Variants in MBD6 observed in about 807,000 individuals in gnomAD.
MBD6 encodes methyl-CpG-binding domain protein 6.
Under a neutral mutation model 66.8 loss-of-function variants are expected in MBD6, and 22 were observed. The ratio of observed to expected loss-of-function variants is 0.33; its 90% CI spans 0.24 to 0.47. The LOEUF (loss-of-function observed/expected upper bound fraction) is 0.47, where lower values mean the gene tolerates loss of function less well. MBD6 is among the 20% of genes least tolerant of loss of function. The pLI is 1.00. For missense variants in MBD6, 1,322 were observed against 1,286.9 expected, an observed-to-expected ratio of 1.03 and a Z score of -0.42; for synonymous variants, 540 against 534.6, an observed-to-expected ratio of 1.01 and a Z score of -0.14.
In MBD6 at chr12:57,525,015, A is replaced by G; in HGVS notation, c.279A>G (p.Ser93=). 6.2e-7 allele frequency: 1 copy of G among 1,612,550 alleles called. No individual in the cohort carries two copies. The highest frequency in any genetic ancestry group is 8.5e-7 in the Non-Finnish European group (1 of 1,179,202). The part of the protein sequence containing the change: ...TPGGAGVGPA[S]EEDMTKLCNH... Reference sequence around the variant, plus strand: ...GTGGGGCTGGGGTGGGGCCAGCATCAGAGGAGGACATGACCAAGCTGTGCA... The same window carrying G: ...GTGGGGCTGGGGTGGGGCCAGCATCGGAGGAGGACATGACCAAGCTGTGCA... The change falls in exon 5 of 13, where the codon TCA becomes TCG. Residue 93 remains serine, a synonymous_variant. Coordinates refer to ENST00000355673, the MANE Select transcript of MBD6 (RefSeq NM_052897.4).
At chr12:57,527,777 A>T (rs771407694) in intron 8 of MBD6, 71 bp from the exon 9 acceptor site, 14 of 1,576,372 alleles carry the variant, frequency 8.9e-6, no homozygotes, top group Non-Finnish European at 1.2e-5. Flanking sequence ...TAAAGCCTAA[A>T]GAGAATAGTA....
Position 57,527,060 on chromosome 12 carries a change from G to A in MBD6, c.1915G>A (p.Glu639Lys), listed in dbSNP as rs1280811060. Residue 639 changes from glutamate to lysine, a missense_variant, in exon 7 of 13, where the codon GAG becomes AAG. Glu to Lys is a moderately conservative substitution (Grantham distance 56). Transcript: ENST00000355673. ...LALGPTAGDGEGSAEGAGGPS... is the reference protein window; with the variant it reads ...LALGPTAGDGKGSAEGAGGPS... ...TCTGGGCCCCACAGCTGGGGATGGG[G>A]AGGGATCTGCAGAGGGAGCCGGGGG... is the stretch of plus-strand genomic sequence containing the variant. 3 of 1,608,298 alleles carry A rather than the reference G, an allele frequency of 1.9e-6. No individual in the cohort carries two copies. The highest frequency in any genetic ancestry group is 2.6e-6 in the Non-Finnish European group (3 of 1,175,960).
intron 9 of MBD6, 62 bp downstream of exon 9, chr12:57,528,079 C>T (rs1294203655): frequency 9.1e-6 from 14 of 1,531,382 alleles, no homozygotes; most frequent in African/African-American, 1.4e-5. Flanking sequence ...AAATTTAGGG[C>T]TTTCTGAGTT....
chr12:57,526,733 A>C lies in MBD6; in HGVS notation c.1588A>C (p.Ser530Arg). The change falls in exon 7 of 13, where the codon AGT becomes CGT. Residue 530 changes from serine (S) to arginine (R), a missense_variant. Physicochemically the swap from Ser to Arg is moderately radical, Grantham distance 110. Coordinates refer to ENST00000355673, the MANE Select transcript of MBD6 (RefSeq NM_052897.4). ...FPSPEQGLAL[S>R]GAGFPGMLGA... is the part of the protein sequence containing the mutation. ...CAGCCCTGAGCAGGGCCTGGCACTG[A>C]GTGGAGCTGGCTTCCCTGGGATGCT... 1 of 1,571,742 alleles carries C rather than the reference A, an allele frequency of 6.4e-7. No homozygotes were observed. The highest frequency in any genetic ancestry group is 8.6e-7 in the Non-Finnish European group (1 of 1,156,456).
Position 57,525,940 on chromosome 12 carries a change from C to G in MBD6, c.972C>G (p.Leu324=). ...CCCCCTTCCTTGCTAGCAGCCTACT[C>G]TCTGCAGCGGCCAAGGCACAGCATC... ...GAPPFLASSL[L]SAAAKAQHPP... is the part of the protein sequence containing the mutation. The change falls in exon 6 of 13, where the codon CTC becomes CTG. Residue 324 remains leucine (L), a synonymous_variant. Coordinates refer to ENST00000355673, the MANE Select transcript of MBD6 (RefSeq NM_052897.4). The G allele has an allele frequency of 6.2e-7, 1 of 1,613,502 alleles. No homozygotes were observed.
rs1878883964 is a variant in MBD6 at position 57,525,863 on chromosome 12, C to G, written c.895C>G (p.Leu299Val). The G allele has an allele frequency of 5.0e-6, 8 of 1,613,612 alleles. No homozygotes were observed. Among genetic ancestry groups the G allele is most frequent in the Non-Finnish European group, 6.8e-6 (8 of 1,179,864 alleles). ...GTCTTCAGCCACTATGCACCTGCCC[C>G]TGGTCCTGGGGCCCCTGGGAGGGGC... Reference protein sequence around the residue: ...PVSSATMHLPLVLGPLGGAPT... With the variant: ...PVSSATMHLPVVLGPLGGAPT... The change falls in exon 6 of 13, where the codon CTG becomes GTG. Residue 299 changes from leucine (L) to valine (V), a missense_variant. Physicochemically the swap from Leu to Val is conservative, Grantham distance 32. Coordinates refer to ENST00000355673, the MANE Select transcript of MBD6 (RefSeq NM_052897.4).
chr12:57,526,844 G>A lies in MBD6; in HGVS notation c.1699G>A (p.Gly567Arg). Residue 567 changes from glycine (G) to arginine (R), a missense_variant, in exon 7 of 13, where the codon GGA (glycine) becomes AGA (arginine). Coordinates refer to ENST00000355673, the MANE Select transcript of MBD6 (RefSeq NM_052897.4). ...CAGTTTATTTGGTGTGCTGACTGGGGGAGGAGGACAACCTCCCCCTGAGCC... is the reference window on the plus strand; with the variant it reads ...CAGTTTATTTGGTGTGCTGACTGGGAGAGGAGGACAACCTCCCCCTGAGCC... Reference protein sequence around the residue: ...NHSLFGVLTGGGGQPPPEPLL... With the variant: ...NHSLFGVLTGRGGQPPPEPLL... 6.2e-7 allele frequency: 1 copy of A among 1,613,522 alleles called. No homozygotes were observed. The highest frequency in any genetic ancestry group is 1.1e-5 in the South Asian group (1 of 91,066).
chr12:57,525,502 A>G lies in MBD6; in HGVS notation c.534A>G (p.Leu178=), dbSNP rs1878825957. ...PPSVSQAFPT[L]AGPGGLFPPR... The stretch of plus-strand genomic sequence containing the variant: ...CAGTTTCCCAGGCCTTTCCCACTCT[A>G]GCAGGCCCTGGGGGGCTTTTCCCCC... The change falls in exon 6 of 13, where the codon CTA becomes CTG. Residue 178 remains leucine (L), a synonymous_variant. Transcript: ENST00000355673. 6.4e-7 allele frequency: 1 copy of G among 1,553,570 alleles called. No individual in the cohort carries two copies. The highest frequency in any genetic ancestry group is 8.7e-7 in the Non-Finnish European group (1 of 1,152,646).
rs896267882 is a variant in MBD6, at chr12:57,527,046, C to T, written c.1901C>T (p.Thr634Ile). The change falls in exon 7 of 13, where the codon ACA becomes ATA. Residue 634 changes from threonine (T) to isoleucine (I), a missense_variant. Thr to Ile is a moderately conservative substitution (Grantham distance 89). Coordinates refer to ENST00000355673, the MANE Select transcript of MBD6 (RefSeq NM_052897.4). ...SFLPLLALGP[T>I]AGDGEGSAEG... ...CTGCCCCTGTTGGCTCTGGGCCCCACAGCTGGGGATGGGGAGGGATCTGCA... is the reference window on the plus strand; with the variant it reads ...CTGCCCCTGTTGGCTCTGGGCCCCATAGCTGGGGATGGGGAGGGATCTGCA... 14 of 1,610,398 alleles carry T rather than the reference C, an allele frequency of 8.7e-6. No homozygotes were observed. Among genetic ancestry groups the T allele is most frequent in the Non-Finnish European group, 1.2e-5 (14 of 1,177,586 alleles).
intron 11 of MBD6, 93 bp downstream of exon 11, chr12:57,528,811 G>C: frequency 6.3e-7 from 1 of 1,598,094 alleles, no homozygotes; most frequent in Non-Finnish European, 8.5e-7. Context: ...GTTTTCAAAA[G>C]GGCAGATTCT....
chr12:57,525,592 T>G lies in MBD6; in HGVS notation c.624T>G (p.Asn208Lys), dbSNP rs1565663800. 6.2e-7 allele frequency: 1 copy of G among 1,611,542 alleles called. No individual in the cohort carries two copies. The highest frequency in any genetic ancestry group is 8.5e-7 in the Non-Finnish European group (1 of 1,178,820). The change falls in exon 6 of 13, where the codon AAT becomes AAG. Residue 208 changes from asparagine (N) to lysine (K), a missense_variant. Physicochemically the swap from Asn to Lys is moderately conservative, Grantham distance 94. Transcript: ENST00000355673. The stretch of plus-strand genomic sequence containing the variant: ...GCCCCCGTTTCCTCCCAAGGGGCAA[T>G]GCCCCCTCTCCAGCCCCACCTCCTC... ...SSSPRFLPRG[N>K]APSPAPPPPP...
rs1156802072 is a variant in MBD6 at position 57,529,374 on chromosome 12, C to A, written c.*140C>A. 1.4e-6 allele frequency: 1 copy of A among 721,482 alleles called. No individual in the cohort carries two copies. Among genetic ancestry groups the A allele is most frequent in the Admixed American group, 2.5e-5 (1 of 39,312 alleles). 44.7% of individuals were successfully genotyped at this position (721,482 alleles called of 1,614,324 possible). On this transcript the variant is annotated 3_prime_UTR_variant, in exon 13 of 13. Coordinates refer to ENST00000355673, the MANE Select transcript of MBD6 (RefSeq NM_052897.4). ...CTCAGAGCACAAATGCAACTCCTTC[C>A]CCTACAATCCCATCCTGAGCCATTG... is the stretch of plus-strand genomic sequence containing the variant.
chr12:57,528,273 G>A lies in MBD6; in HGVS notation c.2533G>A (p.Val845Ile), dbSNP rs749993424. ...ACCCCATGGTTCTCCCGACCCCCCA[G>A]TCCCTGAGCTGCTCACTGGGAGGGG... ...APPHGSPDPP[V>I]PELLTGRGSG... The change falls in exon 10 of 13, where the codon GTC becomes ATC. Residue 845 changes from valine (V) to isoleucine (I), a missense_variant. Val to Ile is a conservative substitution (Grantham distance 29, BLOSUM62 3). Transcript: ENST00000355673. 1 of 1,605,158 alleles carries A rather than the reference G, an allele frequency of 6.2e-7. No individual in the cohort carries two copies. The highest frequency in any genetic ancestry group is 8.5e-7 in the Non-Finnish European group (1 of 1,175,686).
intron 9 of MBD6, 42 bp downstream of exon 9, chr12:57,528,059 C>T (rs757299902): frequency 6.5e-7 from 1 of 1,528,980 alleles, no homozygotes; most frequent in Non-Finnish European, 8.8e-7. Flanking sequence ...ATAATTTTTT[C>T]TCAAACTGGA....
In MBD6 at chr12:57,529,685, A is replaced by G; in HGVS notation, c.*451A>G. On this transcript the variant is annotated 3_prime_UTR_variant, in exon 13 of 13. Transcript: ENST00000355673. ...CCTTCCCAGTGAAAGGTACAAAGCAATAAGCATCATGCATCCTCCCCTTAC... is the reference window on the plus strand; with the variant it reads ...CCTTCCCAGTGAAAGGTACAAAGCAGTAAGCATCATGCATCCTCCCCTTAC... The G allele has an allele frequency of 5.8e-6, 1 of 171,406 alleles. No individual in the cohort carries two copies. The highest frequency in any genetic ancestry group is 1.3e-5 in the Non-Finnish European group (1 of 77,900). The allele number at this position is 171,406 out of a possible 1,614,324, so 10.6% of individuals were successfully genotyped here.
Position 57,529,343 on chromosome 12 carries a change from TC to T in MBD6, c.*113del. 2 of 1,029,998 alleles carry T rather than the reference TC, an allele frequency of 1.9e-6. No individual in the cohort carries two copies. The highest frequency in any genetic ancestry group is 1.6e-5 in the African/African-American group (1 of 62,268). The allele number at this position is 1,029,998 out of a possible 1,614,324, so 63.8% of individuals were successfully genotyped here. On this transcript the variant is annotated 3_prime_UTR_variant, in exon 13 of 13. Transcript: ENST00000355673. ...TGTGGACAGTGGGTGGGGGCACTAC[TC>T]CCCACTCAGAGCACAAATGCAACTC... is the stretch of plus-strand genomic sequence containing the variant.
At chr12:57,522,761 G>GGCGGCGGCGGCT, upstream of MBD6, 1 of 157,276 alleles carries the variant, frequency 6.4e-6, no homozygotes, top group Non-Finnish European at 1.4e-5. Flanking sequence ...CGGCAGCGAC[G>GGCGGCGGCGGCT]GCGGCGGCGG....
intron 9 of MBD6, 45 bp from the exon 10 acceptor site, chr12:57,528,102 G>A (rs1434283121): frequency 1.3e-6 from 2 of 1,547,758 alleles, no homozygotes; most frequent in African/African-American, 1.4e-5. Context: ...AGTAGAAGAG[G>A]GACGGTATTT....
At position 57,528,737 on chromosome 12, in the gene MBD6, A is replaced by G. The variant is rs1366402963; in HGVS notation, c.2873+19A>G. 4 of 1,613,986 alleles carry G rather than the reference A, an allele frequency of 2.5e-6. No homozygotes were observed. The East Asian group carries it at 6.7e-5, about 27-fold the overall frequency. The stretch of plus-strand genomic sequence containing the variant: ...AATACAAGTGAGTGTTGGGCCTACT[A>G]TAGTGCTGGCCTTTGCCTACTTCTT... On this transcript the variant is annotated intron_variant, in intron 11 of 12. Coordinates refer to ENST00000355673, the MANE Select transcript of MBD6 (RefSeq NM_052897.4).
Sources: allele counts gnomAD v4.1 joint callset, GRCh38; gene constraint gnomAD v4.1.1; transcripts MANE v1.5; gene names NCBI Gene and HGNC (gene_info 2026-07-23, HGNC 2026-07-21).